The following PARP10 variants were observed in gnomAD, a reference collection of about 807,000 sequenced individuals.
PARP10 encodes protein mono-ADP-ribosyltransferase PARP10.
A neutral mutation model predicts 82.4 loss-of-function variants in PARP10; 56 were observed. The observed-to-expected ratio is 0.68, with a 90% CI of 0.55 to 0.85. The LOEUF is 0.85. Among genes scored for constraint, PARP10 ranks in the 40% least tolerant of loss-of-function variants. The probability of loss-of-function intolerance (pLI) is 0.00; values close to 1 mark genes in which losing one functional copy is unlikely to be tolerated. For missense variants in PARP10, 1,227 were observed against 1,379.4 expected (o/e 0.89, Z 1.75); for synonymous variants, 576 against 601.1 (o/e 0.96, Z 0.61).
At chr8:143,980,325 A>G (rs1554747400) in intron 9 of PARP10, among the ~76,000 whole-genome samples, 1 of 134,698 alleles carries the variant, frequency 7.4e-6, no homozygotes, top group African/African-American at 3.1e-5. Context: ...GTCTCAAAAA[A>G]AAAAAAAAAA....
intron 1 of PARP10, among the ~76,000 whole-genome samples, chr8:144,012,100 T>C (rs1298033137): frequency 6.6e-6 from 1 of 152,210 alleles, no homozygotes; most frequent in Non-Finnish European, 1.5e-5. Flanking sequence ...GACCTCACTG[T>C]AAAGCCAGTG....
At chr8:144,012,505 T>G in intron 1 of PARP10, 1 of 1,551,516 alleles carries the variant, frequency 6.4e-7, no homozygotes, top group East Asian at 2.4e-5. Flanking sequence ...CCCTTGCCAC[T>G]GCCCCAGGGC....
intron 3 of PARP10, 29 bp downstream of exon 3, chr8:143,985,691 CA>C: frequency 6.2e-7 from 1 of 1,602,280 alleles, no homozygotes; most frequent in East Asian, 2.2e-5. Context: ...CCCCCCTAGC[CA>C]GCACCTCAAC....
upstream of PARP10, chr8:143,991,657 G>A (rs782384705): frequency 1.3e-6 from 2 of 1,594,004 alleles, no homozygotes; most frequent in African/African-American, 1.3e-5. Context: ...GGAGGTGCTT[G>A]TGAGTGGCGC....
upstream of PARP10, chr8:143,992,775 C>T (rs782714599): frequency 5.8e-5 from 94 of 1,613,678 alleles, no homozygotes; most frequent in Non-Finnish European, 7.7e-5. Context: ...CTGCGCTGAA[C>T]CTGTACACAG....
chr8:144,009,461 G>A (rs146936808), intron 1 of PARP10, among the ~76,000 whole-genome samples: 125 of 152,166 alleles, frequency 8.2e-4, no homozygotes, highest in Admixed American at 1.4e-3. Context: ...CGGCTTTGTC[G>A]TGGCTCTACT....
chr8:143,986,873 GC>G, upstream of PARP10: 1 of 176,940 alleles, frequency 5.7e-6, no homozygotes, highest in Non-Finnish European at 1.2e-5. Context: ...GGCCTTCAAC[GC>G]CCCCAGCAAC....
upstream of PARP10, chr8:143,991,383 C>A: frequency 1.7e-6 from 2 of 1,192,672 alleles, no homozygotes; most frequent in Non-Finnish European, 2.3e-6. Flanking sequence ...CCCCTACGGT[C>A]AGCCAGGGTA....
At chr8:144,010,522 A>G (rs1465676934) in intron 1 of PARP10, among the ~76,000 whole-genome samples, 1 of 152,204 alleles carries the variant, frequency 6.6e-6, no homozygotes, top group Non-Finnish European at 1.5e-5. Context: ...TAGGAATTCT[A>G]TGCTACAATC....
upstream of PARP10, chr8:143,992,449 C>T: frequency 6.2e-7 from 1 of 1,613,992 alleles, no homozygotes; most frequent in East Asian, 2.2e-5. Context: ...ATGGCCCGTT[C>T]CTCTCCCACC....
At chr8:143,993,012 G>A (rs782685091), upstream of PARP10, 208 of 620,052 alleles carry the variant, frequency 3.4e-4, no homozygotes, top group Non-Finnish European at 4.8e-4. Flanking sequence ...CTTCCATTTG[G>A]ACCCGCTGTG....
exon 1 of PARP10, chr8:144,012,563 G>C: frequency 1.3e-6 from 2 of 1,551,754 alleles, no homozygotes; most frequent in Non-Finnish European, 1.7e-6. Context: ...AGATAGAGAG[G>C]CTGGTGCGGG....
chr8:143,995,027 C>G (rs1009084984), upstream of PARP10, among the ~76,000 whole-genome samples: 1 of 152,128 alleles, frequency 6.6e-6, no homozygotes, highest in Non-Finnish European at 1.5e-5. Context: ...GAGTTTGAGA[C>G]GGACACAAAC....
chr8:144,011,954 T>C lies in PARP10; in HGVS notation c.-80+576A>G, dbSNP rs1834288364. 6.6e-6 allele frequency among the ~76,000 whole-genome samples: 1 copy of C among 152,088 alleles called. No homozygotes were observed. The highest frequency in any genetic ancestry group is 1.9e-4 in the East Asian group (1 of 5,180). Reference sequence around the variant, plus strand: ...AGGCCAAACCCAGGCATGTTCAAGATCACCAAGAAGGGGCATCCTGGCCAG... The same window carrying C: ...AGGCCAAACCCAGGCATGTTCAAGACCACCAAGAAGGGGCATCCTGGCCAG... On this transcript the variant is annotated intron_variant, in intron 1 of 3. Transcript: ENST00000530478. This position sits in a 1 kb window ranked among gnomAD's most constrained non-coding sequence, Gnocchi z 4.5.
Position 143,984,645 on chromosome 8 carries a change from CT to C in PARP10, c.1356del (p.Ala454ArgfsTer29), listed in dbSNP as rs1833941975. On this transcript the variant is annotated frameshift_variant, in exon 5 of 11. Coordinates refer to ENST00000313028, the MANE Select transcript of PARP10 (RefSeq NM_032789.5). LOFTEE classifies it high-confidence loss of function. ...GLVEMVLLME[P>X]GAMRFLQLYH... ...TAGAGCTGCAGGAAGCGCATCGCCCCTGGCTCCATCAATAGCACCATCTCCA... is the reference window on the plus strand; with the variant it reads ...TAGAGCTGCAGGAAGCGCATCGCCCCGGCTCCATCAATAGCACCATCTCCA... 6.2e-7 allele frequency: 1 copy of C among 1,613,996 alleles called. No homozygotes were observed. Among genetic ancestry groups the C allele is most frequent in the South Asian group, 1.1e-5 (1 of 91,094 alleles).
chr8:143,995,683 A>C (rs1834159659), upstream of PARP10, among the ~76,000 whole-genome samples: 1 of 152,112 alleles, frequency 6.6e-6, no homozygotes, highest in African/African-American at 2.4e-5. Context: ...TCACAGATAG[A>C]GGCCTTGGTG....
intron 3 of PARP10, 25 bp from the exon 4 acceptor site, chr8:143,985,673 C>G (rs1833972390): frequency 2.5e-6 from 4 of 1,606,008 alleles, no homozygotes; most frequent in Admixed American, 1.7e-5. Context: ...CAGGTCAGCT[C>G]AGGGAATCCC....
upstream of PARP10, chr8:143,992,123 G>T: frequency 6.2e-7 from 1 of 1,604,080 alleles, no homozygotes; most frequent in Non-Finnish European, 8.5e-7. Flanking sequence ...CGGCCATGCA[G>T]TCCCACACGC....
rs1409709448 is a variant in PARP10 at position 144,008,286 on chromosome 8, C to G, written c.-80+4244G>C. 1.3e-5 allele frequency among the ~76,000 whole-genome samples: 2 copies of G among 152,180 alleles called. No individual in the cohort carries two copies. The highest frequency in any genetic ancestry group is 4.8e-5 in the African/African-American group (2 of 41,462). On this transcript the variant is annotated intron_variant, in intron 1 of 3. Coordinates refer to the PARP10 transcript ENST00000530478. This position sits in a 1 kb window ranked among gnomAD's most constrained non-coding sequence, Gnocchi z 4.0. ...AACAGAGGGCTCCCGGCTGCAGGCC[C>G]CCATTCTTCGGCAACTTTATGCCTT...
Sources: allele counts gnomAD v4.1 joint callset (sites outside exome capture counted in the v4.1 genomes callset), GRCh38; gene constraint gnomAD v4.1.1; non-coding constraint Gnocchi (gnomAD v3.1); transcripts MANE v1.5; gene names NCBI Gene and HGNC (gene_info 2026-07-23, HGNC 2026-07-21).